LRBA: variants seen among roughly 807,000 people sequenced by gnomAD.
LRBA encodes LPS responsive beige-like anchor protein.
Under a neutral mutation model 330.0 loss-of-function variants are expected in LRBA, and 176 were observed. The ratio of observed to expected loss-of-function variants is 0.53; its 90% CI spans 0.47 to 0.60. LRBA has a LOEUF of 0.60. Ranked by LOEUF, LRBA falls within the 20% of genes least tolerant of loss-of-function variation. LRBA has a pLI of 0.00. For synonymous variants in LRBA, 1,230 were observed against 1,193.0 expected, an observed-to-expected ratio of 1.03 and a Z score of -0.64; for missense variants, 3,259 against 3,444.8, an observed-to-expected ratio of 0.95 and a Z score of 1.35.
intron 2 of LRBA, among the ~76,000 whole-genome samples, chr4:150,998,189 T>TA (rs1351784690): frequency 6.6e-6 from 1 of 151,278 alleles, no homozygotes; most frequent in African/African-American, 2.4e-5. Context: ...CCGTCTCTAC[T>TA]AAAAAAATAC....
At chr4:150,910,381 C>T (rs931888033) in intron 9 of LRBA, among the ~76,000 whole-genome samples, 13 of 152,110 alleles carry the variant, frequency 8.5e-5, no homozygotes, top group Non-Finnish European at 1.8e-4. Context: ...TCTTATTTTT[C>T]GCATCTGGAT....
intron 48 of LRBA, 124 bp downstream of exon 48, chr4:150,349,868 G>A: frequency 1.3e-6 from 1 of 783,542 alleles, no homozygotes; most frequent in South Asian, 1.8e-5. Flanking sequence ...TTCTGCTTAA[G>A]GCACTTTACA....
At chr4:150,897,519 T>C (rs1380239523) in intron 15 of LRBA, among the ~76,000 whole-genome samples, 1 of 152,054 alleles carries the variant, frequency 6.6e-6, no homozygotes, top group Non-Finnish European at 1.5e-5. Context: ...TACAAATTTA[T>C]ATAACATAAA....
intron 44 of LRBA, among the ~76,000 whole-genome samples, chr4:150,446,169 G>GT (rs1464295386): frequency 1.3e-5 from 2 of 152,134 alleles, no homozygotes; most frequent in African/African-American, 4.8e-5. Flanking sequence ...GCCAGGAAGG[G>GT]TAAGGGGAAA....
At chr4:150,861,432 T>C (rs1003694297) in intron 22 of LRBA, among the ~76,000 whole-genome samples, 3 of 152,176 alleles carry the variant, frequency 2.0e-5, no homozygotes, top group East Asian at 1.9e-4. Context: ...AGCCCTTATA[T>C]TGTGTGTACG....
chr4:150,930,449 T>C (rs1346487366), intron 2 of LRBA, among the ~76,000 whole-genome samples: 2 of 152,026 alleles, frequency 1.3e-5, no homozygotes, highest in East Asian at 3.9e-4. Context: ...GTCAAGATCA[T>C]GCCATTGAGC....
chr4:150,483,770 G>A (rs763767846), intron 42 of LRBA, among the ~76,000 whole-genome samples: 4 of 152,032 alleles, frequency 2.6e-5, no homozygotes, highest in Non-Finnish European at 2.9e-5. Context: ...ATCCATGAGC[G>A]TAGTATAGTA....
chr4:150,735,188 C>G, intron 36 of LRBA, 70 bp downstream of exon 36: 1 of 1,149,548 alleles, frequency 8.7e-7, no homozygotes, highest in South Asian at 1.3e-5. Context: ...TGCCATTTTA[C>G]CGGGACAATT....
intron 44 of LRBA, among the ~76,000 whole-genome samples, chr4:150,444,791 A>T (rs976407230): frequency 2.0e-5 from 3 of 152,170 alleles, no homozygotes; most frequent in Admixed American, 1.3e-4. Flanking sequence ...AAAGTATTCC[A>T]TTTTACTTAT....
intron 48 of LRBA, among the ~76,000 whole-genome samples, chr4:150,338,736 A>G (rs4696113): frequency 0.96 from 146,537 of 152,228 alleles, 70,643 homozygotes; most frequent in Non-Finnish European, 0.99. Context: ...AGGAAAGGAC[A>G]ATGAGTTCTG....
At chr4:150,559,653 TATA>T (rs1165127635) in intron 40 of LRBA, among the ~76,000 whole-genome samples, 5,344 of 55,300 alleles carry the variant, frequency 0.097, 236 homozygotes, top group East Asian at 0.25. Flanking sequence ...TAATATAATA[TATA>T]ATTATAATAT....
chr4:150,608,088 G>A (rs1774851109), intron 37 of LRBA, among the ~76,000 whole-genome samples: 1 of 152,100 alleles, frequency 6.6e-6, no homozygotes, highest in Admixed American at 6.6e-5. Context: ...GTGCACGCCT[G>A]TAGTCCCAGC....
chr4:151,014,686 G>A lies in LRBA; in HGVS notation c.-44C>T. The A allele has an allele frequency of 7.4e-7, 1 of 1,349,204 alleles. No homozygotes were observed. The allele number at this position is 1,349,204 out of a possible 1,614,324, so 83.6% of individuals were successfully genotyped here. Reference sequence around the variant, plus strand: ...GACAACTCAGAGTCACCCTGGGACGGCAGTCGCTGCACTGGTAATGAGCAC... The same window carrying A: ...GACAACTCAGAGTCACCCTGGGACGACAGTCGCTGCACTGGTAATGAGCAC... On this transcript the variant is annotated 5_prime_UTR_variant, in exon 2 of 57. Transcript: ENST00000651943.
intron 35 of LRBA, among the ~76,000 whole-genome samples, chr4:150,738,177 G>C (rs1731471029): frequency 6.6e-6 from 1 of 151,816 alleles, no homozygotes; most frequent in African/African-American, 2.4e-5. Flanking sequence ...TTTTAGTAGA[G>C]ACGGGGTTTC....
chr4:150,718,316 C>T (rs947896061), intron 36 of LRBA, among the ~76,000 whole-genome samples: 3 of 152,282 alleles, frequency 2.0e-5, no homozygotes, highest in Non-Finnish European at 1.5e-5. Context: ...AGCTACTTTA[C>T]ACACAAATCG....
At chr4:150,916,374 T>A (rs1267666998) in intron 7 of LRBA, 27 bp downstream of exon 7, 1 of 1,604,718 alleles carries the variant, frequency 6.2e-7, no homozygotes, top group African/African-American at 1.3e-5. Flanking sequence ...CTTGTTAACA[T>A]AACTATGACT....
chr4:150,346,757 CAAAAAAAAAAAAAAA>C (rs57119340), intron 48 of LRBA, among the ~76,000 whole-genome samples: 1 of 66,152 alleles, frequency 1.5e-5, no homozygotes, highest in African/African-American at 7.8e-5. Flanking sequence ...GACTCTGTCT[CAAAAAAAAAAAAAAA>C]AAAAAAAAAA....
intron 44 of LRBA, among the ~76,000 whole-genome samples, chr4:150,442,354 T>C (rs1480013146): frequency 6.6e-6 from 1 of 152,168 alleles, no homozygotes; most frequent in Non-Finnish European, 1.5e-5. Flanking sequence ...TGCTTAAGCA[T>C]AGTATTTTAT....
intron 31 of LRBA, among the ~76,000 whole-genome samples, chr4:150,809,665 T>C (rs1282419850): frequency 6.6e-6 from 1 of 152,046 alleles, no homozygotes; most frequent in African/African-American, 2.4e-5. Flanking sequence ...GATTAGCCTG[T>C]GAAACACAGC....
Sources: allele counts gnomAD v4.1 joint callset (sites outside exome capture counted in the v4.1 genomes callset), GRCh38; gene constraint gnomAD v4.1.1; transcripts MANE v1.5; gene names NCBI Gene and HGNC (gene_info 2026-07-23, HGNC 2026-07-21).